The following CIZ1 variants were observed in gnomAD, a reference collection of about 807,000 sequenced individuals.
The protein encoded by CIZ1 is CDKN1A interacting zinc finger protein 1.
A neutral mutation model predicts 118.6 loss-of-function variants in CIZ1; 58 were observed. The observed-to-expected ratio is 0.49, with a 90% CI of 0.40 to 0.61. The LOEUF (loss-of-function observed/expected upper bound fraction) is 0.61, where lower values mean the gene tolerates loss of function less well. CIZ1 is among the 20% of genes least tolerant of loss of function. The pLI, the probability that CIZ1 is intolerant of heterozygous loss-of-function variation, is 0.00. For synonymous variants in CIZ1, 448 were observed against 443.4 expected (o/e 1.01, Z -0.13); for missense variants, 921 against 1,115.9 (o/e 0.83, Z 2.49).
intron 3 of CIZ1, among the ~76,000 whole-genome samples, chr9:128,190,071 G>A (rs1218615789): frequency 6.6e-6 from 1 of 152,206 alleles, no homozygotes; most frequent in Non-Finnish European, 1.5e-5. Flanking sequence ...TAATCTGAAT[G>A]TGAGTGAAGT....
At chr9:128,193,841 G>A (rs1240835925), upstream of CIZ1, among the ~76,000 whole-genome samples, 1 of 152,220 alleles carries the variant, frequency 6.6e-6, no homozygotes, top group African/African-American at 2.4e-5. Context: ...CACTGGCTGG[G>A]GGAGAGGCCT....
At chr9:128,167,208 A>C (rs1049529845) in intron 14 of CIZ1, 44 bp from the exon 15 acceptor site, 40 of 1,466,360 alleles carry the variant, frequency 2.7e-5, no homozygotes, top group Non-Finnish European at 3.6e-5. Context: ...CTTCCCCTTG[A>C]CACCTCCCAG....
Position 128,178,892 on chromosome 9 carries a change from CCTGTGTGTGGACCTGTGGATATGT to C in CIZ1, c.1291_1314del (p.Thr431_Gln438del). 6.2e-7 allele frequency: 1 copy of C among 1,614,246 alleles called. No homozygotes were observed. Among genetic ancestry groups the C allele is most frequent in the Non-Finnish European group, 8.5e-7 (1 of 1,180,040 alleles). On this transcript the variant is annotated inframe_deletion, in exon 8 of 17. Transcript: ENST00000372938. ...TCCTGTGGCTGGACGCTTGGCTGTG[CCTGTGTGTGGACCTGTGGATATGT>C]CTGTGTCTGGACCTGCTTCTGCAGC... is the stretch of plus-strand genomic sequence containing the variant.
intron 11 of CIZ1, among the ~76,000 whole-genome samples, chr9:128,176,003 A>C (rs1830799168): frequency 6.6e-6 from 1 of 152,194 alleles, no homozygotes; most frequent in African/African-American, 2.4e-5. Flanking sequence ...CTCCAACCAC[A>C]AAAGAACCTG....
Position 128,203,371 on chromosome 9 carries a change from G to A in CIZ1, c.-6+815C>T. The A allele has an allele frequency of 8.5e-7, 1 of 1,176,714 alleles. No individual in the cohort carries two copies. The highest frequency in any genetic ancestry group is 1.1e-6 in the Non-Finnish European group (1 of 928,948). The allele number at this position is 1,176,714 out of a possible 1,614,324, so 72.9% of individuals were successfully genotyped here. On this transcript the variant is annotated intron_variant, in intron 1 of 17. Transcript: ENST00000372948. This position sits in a 1 kb window ranked among gnomAD's most constrained non-coding sequence, Gnocchi z 5.3. ...ATCCCCGAGGGGCGGGGGCCCCGCG[G>A]CGCAGGCAGTCTGGGCGCGCGGCTG...
chr9:128,178,089 C>G (rs902936331), intron 9 of CIZ1, among the ~76,000 whole-genome samples: 4 of 152,130 alleles, frequency 2.6e-5, no homozygotes, highest in Non-Finnish European at 5.9e-5. Context: ...GCTCTCTCCA[C>G]GAGAGCAACA....
At chr9:128,173,965 C>G (rs1325421414) in intron 11 of CIZ1, among the ~76,000 whole-genome samples, 1 of 151,738 alleles carries the variant, frequency 6.6e-6, no homozygotes, top group Non-Finnish European at 1.5e-5. Context: ...GAGATCGCGC[C>G]ACTGCACTCC....
chr9:128,194,564 C>G (rs1000437875), upstream of CIZ1, among the ~76,000 whole-genome samples: 2 of 152,038 alleles, frequency 1.3e-5, no homozygotes, highest in Admixed American at 1.3e-4. Flanking sequence ...CGCCTACAAT[C>G]CCAGCACTTT....
chr9:128,166,188 G>T lies in CIZ1; in HGVS notation c.*9C>A. Reference sequence around the variant, plus strand: ...ACCCAGGCAGGCCAGGGACAGGGAGGTCCCTCTATCAGGTTTTGAGGCGGG... The same window carrying T: ...ACCCAGGCAGGCCAGGGACAGGGAGTTCCCTCTATCAGGTTTTGAGGCGGG... On this transcript the variant is annotated 3_prime_UTR_variant, in exon 17 of 17. Coordinates refer to ENST00000372938, the MANE Select transcript of CIZ1 (RefSeq NM_001131016.2). This position sits in a 1 kb window ranked among gnomAD's most constrained non-coding sequence, Gnocchi z 4.4. The T allele has an allele frequency of 6.8e-7, 1 of 1,466,390 alleles. No homozygotes were observed. The allele number at this position is 1,466,390 out of a possible 1,614,324, so 90.8% of individuals were successfully genotyped here. A position where few individuals can be genotyped will look rare whatever the true frequency, so the allele number is the denominator to read the frequency against.
intron 5 of CIZ1, among the ~76,000 whole-genome samples, chr9:128,184,955 C>T (rs1265995622): frequency 2.6e-5 from 4 of 152,070 alleles, no homozygotes; most frequent in Admixed American, 1.3e-4. Context: ...CAGGTGTGAG[C>T]CCCCACGCTT....
Position 128,191,117 on chromosome 9 carries a change from C to G in CIZ1, c.-5-255G>C, listed in dbSNP as rs996291537. ...CAGACACTGCCAACAGCCCCTCCTT[C>G]AAGTCCCTCCATCTCTCCATTTCTG... On this transcript the variant is annotated intron_variant, in intron 1 of 16. Transcript: ENST00000372938. This position sits in a 1 kb window ranked among gnomAD's most constrained non-coding sequence, Gnocchi z 5.5. 6.6e-6 allele frequency among the ~76,000 whole-genome samples: 1 copy of G among 152,128 alleles called. No individual in the cohort carries two copies. The highest frequency in any genetic ancestry group is 1.5e-5 in the Non-Finnish European group (1 of 68,000).
At chr9:128,168,524 AAAAG>A (rs1829729184) in intron 14 of CIZ1, among the ~76,000 whole-genome samples, 3 of 147,294 alleles carry the variant, frequency 2.0e-5, no homozygotes, top group South Asian at 4.2e-4. Context: ...TTGAAAAAAA[AAAAG>A]AAAAAAAAAA....
At chr9:128,182,425 G>A (rs902931133) in intron 5 of CIZ1, among the ~76,000 whole-genome samples, 9 of 152,148 alleles carry the variant, frequency 5.9e-5, no homozygotes, top group Non-Finnish European at 1.3e-4. Flanking sequence ...ACAGGCGTGA[G>A]CCACCACACC....
upstream of CIZ1, among the ~76,000 whole-genome samples, chr9:128,194,680 T>G (rs906619599): frequency 2.0e-5 from 3 of 151,860 alleles, no homozygotes; most frequent in Admixed American, 6.6e-5. Context: ...TAGCTGGGCC[T>G]GGTGGTGGGC....
At chr9:128,184,013 C>G (rs776767638) in intron 5 of CIZ1, among the ~76,000 whole-genome samples, 43 of 152,314 alleles carry the variant, frequency 2.8e-4, no homozygotes, top group Non-Finnish European at 5.1e-4. Flanking sequence ...AATGATCTGC[C>G]CTCCTCAGCC....
At chr9:128,187,970 C>T (rs1588241624) in intron 3 of CIZ1, 36 bp from the exon 4 acceptor site, 3 of 652,718 alleles carry the variant, frequency 4.6e-6, no homozygotes, top group African/African-American at 3.7e-5. Flanking sequence ...TTATCAAGAG[C>T]CATAAAACAT....
At chr9:128,183,299 A>G (rs1831918295) in intron 5 of CIZ1, among the ~76,000 whole-genome samples, 9 of 152,192 alleles carry the variant, frequency 5.9e-5, no homozygotes, top group Admixed American at 5.9e-4. Context: ...GTCCACCTAG[A>G]CAGCTGTGGG....
At chr9:128,172,773 G>A (rs1830304704) in intron 11 of CIZ1, among the ~76,000 whole-genome samples, 1 of 152,190 alleles carries the variant, frequency 6.6e-6, no homozygotes, top group East Asian at 1.9e-4. Flanking sequence ...GGGATTATGG[G>A]TGATTTTTAT....
intron 1 of CIZ1, among the ~76,000 whole-genome samples, chr9:128,200,716 A>G (rs373872449): frequency 3.9e-5 from 6 of 151,952 alleles, no homozygotes; most frequent in African/African-American, 1.2e-4. Context: ...GCATGCCTGT[A>G]GTCCCAGCTA....
Sources: gnomAD v4.1 joint callset for allele counts (sites outside exome capture counted in the v4.1 genomes callset) on GRCh38, gnomAD v4.1.1 for gene constraint, Gnocchi (gnomAD v3.1) non-coding constraint, MANE v1.5 for transcripts, NCBI Gene and HGNC (gene_info 2026-07-23, HGNC 2026-07-21) for gene names.